The following SLC7A8 variants were observed in gnomAD, a reference collection of about 807,000 sequenced individuals.
SLC7A8 encodes large neutral amino acids transporter small subunit 2.
SLC7A8 carries 30 observed loss-of-function variants against 51.2 expected under a neutral mutation model. The observed-to-expected ratio is 0.59, with a 90% confidence interval of 0.44 to 0.80. SLC7A8 has a LOEUF of 0.80. SLC7A8 is among the 30% of genes least tolerant of loss of function. The pLI, the probability that SLC7A8 is intolerant of heterozygous loss-of-function variation, is 0.00. For missense variants in SLC7A8, 612 were observed against 674.4 expected, an observed-to-expected ratio of 0.91 and a Z score of 1.03; for synonymous variants, 257 against 275.8, an observed-to-expected ratio of 0.93 and a Z score of 0.67.
intron 9 of SLC7A8, among the ~76,000 whole-genome samples, chr14:23,129,034 G>A (rs998584066): frequency 3.3e-5 from 5 of 152,170 alleles, no homozygotes; most frequent in African/African-American, 9.7e-5. Context: ...TAATTCGTAG[G>A]AGAACTCATA....
chr14:23,148,828 T>C (rs2048821361), intron 3 of SLC7A8, among the ~76,000 whole-genome samples: 1 of 152,254 alleles, frequency 6.6e-6, no homozygotes, highest in Non-Finnish European at 1.5e-5. Context: ...TTAGGACTTC[T>C]GACTTTCAGG....
At chr14:23,139,580 G>A (rs376618215) in intron 5 of SLC7A8, 33 bp from the exon 6 acceptor site, 103 of 1,601,270 alleles carry the variant, frequency 6.4e-5, no homozygotes, top group Non-Finnish European at 7.5e-5. Context: ...GGGAAGGGCT[G>A]GCACCCGGGA....
intron 7 of SLC7A8, among the ~76,000 whole-genome samples, chr14:23,135,225 G>GT (rs1311514376): frequency 1.3e-5 from 2 of 151,808 alleles, no homozygotes; most frequent in Non-Finnish European, 2.9e-5. Context: ...GTAGCTGGGA[G>GT]TACAGGCACC....
At chr14:23,154,998 C>CAAAAAAA (rs33973055) in intron 3 of SLC7A8, among the ~76,000 whole-genome samples, 39 of 89,396 alleles carry the variant, frequency 4.4e-4, no homozygotes, top group Admixed American at 5.2e-4. Context: ...ACACAACAGA[C>CAAAAAAA]AAAAAAAAAA....
intron 1 of SLC7A8, among the ~76,000 whole-genome samples, chr14:23,181,728 C>G (rs764460766): frequency 1.3e-5 from 2 of 152,188 alleles, no homozygotes; most frequent in Non-Finnish European, 2.9e-5. Flanking sequence ...TATGCCTGAC[C>G]GTCCTGCACT....
Position 23,126,972 on chromosome 14 carries a change from A to G in SLC7A8, c.*205T>C, listed in dbSNP as rs2048582744. ...GCAGCACTGGAGTGGGGCCTGGGAC[A>G]TGGACCCTGGGGTGAGAGGCTGGTT... On this transcript the variant is annotated 3_prime_UTR_variant, in exon 11 of 11. Transcript: ENST00000316902. 1 of 633,768 alleles carries G rather than the reference A, an allele frequency of 1.6e-6. No individual in the cohort carries two copies. Among genetic ancestry groups the G allele is most frequent in the Non-Finnish European group, 2.7e-6 (1 of 367,086 alleles). The allele number at this position is 633,768 out of a possible 1,614,324, so 39.3% of individuals were successfully genotyped here. A position where few individuals can be genotyped will look rare whatever the true frequency, so the allele number is the denominator to read the frequency against.
At chr14:23,136,537 C>T (rs536690777) in intron 7 of SLC7A8, among the ~76,000 whole-genome samples, 21 of 152,086 alleles carry the variant, frequency 1.4e-4, no homozygotes, top group African/African-American at 4.3e-4. Context: ...TCTCCCTACC[C>T]GAGAACACAA....
At chr14:23,182,096 A>C (rs1353668222) in intron 1 of SLC7A8, among the ~76,000 whole-genome samples, 2 of 152,198 alleles carry the variant, frequency 1.3e-5, no homozygotes, top group Non-Finnish European at 2.9e-5. Context: ...GTGGCTGTTA[A>C]GAAACAGGTG....
intron 1 of SLC7A8, among the ~76,000 whole-genome samples, chr14:23,174,219 C>G (rs1373426301): frequency 1.3e-5 from 2 of 152,370 alleles, no homozygotes; most frequent in African/African-American, 4.8e-5. Context: ...TTACTAAACA[C>G]TCTCTGCAGA....
At chr14:23,166,642 T>G in intron 1 of SLC7A8, 102 bp from the exon 2 acceptor site, 1 of 1,191,036 alleles carries the variant, frequency 8.4e-7, no homozygotes, top group Non-Finnish European at 1.2e-6. Flanking sequence ...GATTCTGAAA[T>G]GCCTTGGATA....
At chr14:23,177,323 G>A (rs1876968550) in intron 1 of SLC7A8, among the ~76,000 whole-genome samples, 1 of 152,152 alleles carries the variant, frequency 6.6e-6, no homozygotes, top group Non-Finnish European at 1.5e-5. Flanking sequence ...CCAATCAAAG[G>A]CAGCCAACTG....
At chr14:23,154,563 A>G in intron 3 of SLC7A8, 3 of 800,008 alleles carry the variant, frequency 3.7e-6, no homozygotes, top group Non-Finnish European at 4.5e-6. Context: ...GGCCTGTCCA[A>G]CCGCAGGCGT....
intron 1 of SLC7A8, among the ~76,000 whole-genome samples, chr14:23,177,603 A>T (rs1876979886): frequency 2.0e-5 from 3 of 152,218 alleles, no homozygotes; most frequent in African/African-American, 7.2e-5. Flanking sequence ...TTACATACCT[A>T]GATACGTGAC....
At chr14:23,134,792 T>C (rs940925000) in intron 7 of SLC7A8, among the ~76,000 whole-genome samples, 2 of 152,240 alleles carry the variant, frequency 1.3e-5, no homozygotes, top group Admixed American at 6.5e-5. Context: ...TACAACCAAG[T>C]ACAGTTGTAA....
chr14:23,138,774 T>C (rs535021656), intron 6 of SLC7A8, among the ~76,000 whole-genome samples: 1 of 152,326 alleles, frequency 6.6e-6, no homozygotes, highest in African/African-American at 2.4e-5. Context: ...TTGTTCAGAA[T>C]AGAAGGCTGT....
At chr14:23,167,558 TTG>T (rs2048956142) in intron 1 of SLC7A8, among the ~76,000 whole-genome samples, 1 of 151,884 alleles carries the variant, frequency 6.6e-6, no homozygotes, top group South Asian at 2.1e-4. Context: ...AGCTGCTGGG[TTG>T]TGTGTTACGC....
At chr14:23,156,321 C>T (rs943078975) in intron 3 of SLC7A8, 7 of 152,136 alleles carry the variant, frequency 4.6e-5, no homozygotes. Flanking sequence ...TAATAAGGAA[C>T]ACTTTGTGAA....
At position 23,143,122 on chromosome 14, in the gene SLC7A8, G is replaced by T; in HGVS notation, c.591C>A (p.Ala197=). 1 of 1,614,218 alleles carries T rather than the reference G, an allele frequency of 6.2e-7. No homozygotes were observed. Among genetic ancestry groups the T allele is most frequent in the Non-Finnish European group, 8.5e-7 (1 of 1,180,040 alleles). The change falls in exon 4 of 11, where the codon GCC becomes GCA. Residue 197 remains alanine (A), a synonymous_variant. Coordinates refer to ENST00000316902, the MANE Select transcript of SLC7A8 (RefSeq NM_012244.4). ...TCCCCATGATGATAATCAGGGCCAA[G>T]GCCAGGAGCTTCCCAGCTGTGAAGA... The part of the protein sequence containing the change: ...QDIFTAGKLL[A]LALIIIMGIV...
Position 23,142,893 on chromosome 14 carries a change from C to A in SLC7A8, c.634+186G>T, listed in dbSNP as rs540155774. ...AGCCTAAAGGGAGCATTCCCTACTC[C>A]CAGCCACCTCGGGGAAAATGGTTTC... On this transcript the variant is annotated intron_variant, in intron 4 of 10. Transcript: ENST00000316902. Among the ~76,000 whole-genome samples the A allele has an allele frequency of 2.6e-5, 4 of 152,196 alleles. No individual in the cohort carries two copies. In the South Asian group the frequency reaches 8.3e-4, roughly 32 times the overall value.
Sources: gnomAD v4.1 joint callset for allele counts (sites outside exome capture counted in the v4.1 genomes callset) on GRCh38, gnomAD v4.1.1 for gene constraint, MANE v1.5 for transcripts, NCBI Gene and HGNC (gene_info 2026-07-23, HGNC 2026-07-21) for gene names.